Variants in PHACTR1 observed in about 807,000 individuals in gnomAD.
The protein encoded by PHACTR1 is phosphatase and actin regulator 1.
Under a neutral mutation model 69.2 loss-of-function variants are expected in PHACTR1, and 16 were observed. The ratio of observed to expected loss-of-function variants is 0.23; its 90% confidence interval spans 0.16 to 0.35. PHACTR1 has a LOEUF of 0.35. Ranked by LOEUF, PHACTR1 falls within the 10% of genes least tolerant of loss-of-function variation. PHACTR1 has a pLI of 1.00. For synonymous variants in PHACTR1, 312 were observed against 284.5 expected (o/e 1.10, Z -0.97); for missense variants, 510 against 734.7 (o/e 0.69, Z 3.54).
chr6:13,069,058 C>T (rs975155266), intron 5 of PHACTR1, among the ~76,000 whole-genome samples: 2 of 152,056 alleles, frequency 1.3e-5, no homozygotes, highest in African/African-American at 2.4e-5. Flanking sequence ...TGTGCAGGCC[C>T]CGAGGCCAGT....
chr6:13,105,404 G>A (rs1815942926), intron 5 of PHACTR1, among the ~76,000 whole-genome samples: 1 of 152,024 alleles, frequency 6.6e-6, no homozygotes. Flanking sequence ...GGGCGGGGTG[G>A]GGGTGTGGAG....
At chr6:12,999,310 T>C in intron 4 of PHACTR1, among the ~76,000 whole-genome samples, 1 of 152,166 alleles carries the variant, frequency 6.6e-6, no homozygotes, top group Non-Finnish European at 1.5e-5. Flanking sequence ...AATCTTAAAA[T>C]ACGTTGAGGC....
At chr6:13,059,458 TCACACACACACACACACA>T (rs57652223) in intron 5 of PHACTR1, among the ~76,000 whole-genome samples, 2 of 148,248 alleles carry the variant, frequency 1.3e-5, no homozygotes, top group East Asian at 4.0e-4. Flanking sequence ...AATGTTCTTA[TCACACACACACACACACA>T]CACACACACA....
chr6:13,123,254 T>A (rs566554792), intron 5 of PHACTR1, among the ~76,000 whole-genome samples: 7 of 152,116 alleles, frequency 4.6e-5, no homozygotes, highest in Non-Finnish European at 1.0e-4. Flanking sequence ...CATGGGGAAA[T>A]CCCAGCTGAG....
chr6:12,896,222 C>G lies in PHACTR1; in HGVS notation c.250+146432C>G, dbSNP rs189489463. Among the ~76,000 whole-genome samples, 5 of 152,280 alleles carry G rather than the reference C, an allele frequency of 3.3e-5. No individual in the cohort carries two copies. The East Asian group carries it at 9.6e-4, about 29-fold the overall frequency. ...TAAACTACACATTGCTGTTGTAATACAGTAAACCCATGAGCAGGCATTACC... is the reference window on the plus strand; with the variant it reads ...TAAACTACACATTGCTGTTGTAATAGAGTAAACCCATGAGCAGGCATTACC... On this transcript the variant is annotated intron_variant, in intron 4 of 14. Coordinates refer to ENST00000332995, the MANE Select transcript of PHACTR1 (RefSeq NM_030948.6).
chr6:12,921,833 G>GGGAGGGAGAGAGGGAGGGAGGGAC (rs373418327), intron 4 of PHACTR1, among the ~76,000 whole-genome samples: 1 of 46,904 alleles, frequency 2.1e-5, no homozygotes. Flanking sequence ...AAGGAAGGAA[G>GGGAGGGAGAGAGGGAGGGAGGGAC]GGAGGGAGAG....
At chr6:13,147,120 A>G (rs1440730962) in intron 5 of PHACTR1, among the ~76,000 whole-genome samples, 2 of 152,352 alleles carry the variant, frequency 1.3e-5, no homozygotes, top group East Asian at 1.9e-4. Context: ...GGGGCTTAAC[A>G]TAGTTTATTT....
chr6:13,123,622 A>G (rs2127950288), intron 5 of PHACTR1, among the ~76,000 whole-genome samples: 1 of 152,302 alleles, frequency 6.6e-6, no homozygotes, highest in East Asian at 1.9e-4. Flanking sequence ...GTGGAGGGGT[A>G]TAGTTGGGGT....
chr6:13,027,194 GCT>G (rs1352276538), intron 4 of PHACTR1, among the ~76,000 whole-genome samples: 2 of 152,258 alleles, frequency 1.3e-5, no homozygotes, highest in Middle Eastern at 6.8e-3. Context: ...TCTTGCAAAT[GCT>G]CTCTTACTTT....
At chr6:13,052,000 G>A (rs1243083942) in intron 4 of PHACTR1, among the ~76,000 whole-genome samples, 1 of 152,146 alleles carries the variant, frequency 6.6e-6, no homozygotes, top group Non-Finnish European at 1.5e-5. Flanking sequence ...CCCTAAACCT[G>A]TGTCCTCGCC....
intron 3 of PHACTR1, among the ~76,000 whole-genome samples, chr6:12,733,535 GA>G (rs1429531925): frequency 6.6e-6 from 1 of 152,160 alleles, no homozygotes; most frequent in African/African-American, 2.4e-5. Context: ...CCTTTCTGGA[GA>G]GAAATAGCTT....
intron 7 of PHACTR1, among the ~76,000 whole-genome samples, chr6:13,192,275 G>C (rs1020543008): frequency 6.6e-6 from 1 of 152,236 alleles, no homozygotes; most frequent in Admixed American, 6.5e-5. Flanking sequence ...CATTAAGGAG[G>C]AGTTATTTAA....
intron 4 of PHACTR1, among the ~76,000 whole-genome samples, chr6:12,782,148 G>A (rs2127645137): frequency 6.6e-6 from 1 of 152,268 alleles, no homozygotes; most frequent in East Asian, 1.9e-4. Context: ...TCAGGGATAA[G>A]CTTTAAAAAA....
At chr6:13,281,554 C>A in intron 12 of PHACTR1, 1 of 193,952 alleles carries the variant, frequency 5.2e-6, no homozygotes, top group South Asian at 6.3e-5. Context: ...GAGACTCCGT[C>A]TAAAAAAAGA....
At chr6:12,913,435 A>G (rs1160552406) in intron 4 of PHACTR1, among the ~76,000 whole-genome samples, 1 of 152,206 alleles carries the variant, frequency 6.6e-6, no homozygotes, top group Non-Finnish European at 1.5e-5. Flanking sequence ...TTAAACGCTA[A>G]CAGCTTCCAT....
At chr6:13,161,962 C>T (rs911213681) in intron 6 of PHACTR1, among the ~76,000 whole-genome samples, 2 of 152,166 alleles carry the variant, frequency 1.3e-5, no homozygotes, top group African/African-American at 4.8e-5. Flanking sequence ...CTTTATCCAT[C>T]GATTTCTGTG....
At chr6:12,797,325 T>C (rs1773153249) in intron 4 of PHACTR1, among the ~76,000 whole-genome samples, 6 of 152,190 alleles carry the variant, frequency 3.9e-5, no homozygotes, top group Admixed American at 3.3e-4. Flanking sequence ...GACTGCATAT[T>C]GTGCAGTGAT....
At chr6:13,091,695 C>T (rs541225222) in intron 5 of PHACTR1, among the ~76,000 whole-genome samples, 9 of 152,180 alleles carry the variant, frequency 5.9e-5, no homozygotes, top group Admixed American at 5.9e-4. Flanking sequence ...CAACTAGTCA[C>T]TCCCATCTGG....
chr6:13,278,239 T>TAA, intron 11 of PHACTR1, 29 bp from the exon 12 acceptor site: 8 of 1,557,034 alleles, frequency 5.1e-6, no homozygotes, highest in Non-Finnish European at 7.0e-6. Flanking sequence ...TTTACTGAAA[T>TAA]AAAAAAACAT....
Sources: gnomAD v4.1 joint callset for allele counts (sites outside exome capture counted in the v4.1 genomes callset) on GRCh38, gnomAD v4.1.1 for gene constraint, MANE v1.5 for transcripts, NCBI Gene and HGNC (gene_info 2026-07-23, HGNC 2026-07-21) for gene names.